The following HSP90AB1 variants were observed in gnomAD, a reference collection of about 807,000 sequenced individuals.
HSP90AB1 encodes heat shock protein 90 alpha family class B member 1.
A neutral mutation model predicts 67.8 loss-of-function variants in HSP90AB1; 17 were observed. That is an observed-to-expected ratio of 0.25 (90% confidence interval 0.17 to 0.38). HSP90AB1 has a LOEUF of 0.38. HSP90AB1 is among the 10% of genes least tolerant of loss of function. The pLI is 1.00. For synonymous variants in HSP90AB1, 390 were observed against 312.9 expected (o/e 1.25, Z -2.60); for missense variants, 690 against 899.9 (o/e 0.77, Z 2.98).
chr6:44,246,907 A>T (rs1779959038), upstream of HSP90AB1, among the ~76,000 whole-genome samples: 1 of 152,160 alleles, frequency 6.6e-6, no homozygotes, highest in Non-Finnish European at 1.5e-5. Context: ...CTGTGATCAC[A>T]AGCAAATGTG....
upstream of HSP90AB1, among the ~76,000 whole-genome samples, chr6:44,246,581 T>G (rs1779930840): frequency 6.6e-6 from 1 of 152,206 alleles, no homozygotes; most frequent in Non-Finnish European, 1.5e-5. Flanking sequence ...CCGCCCTTCC[T>G]CTACTCCTGC....
intron 10 of HSP90AB1, 32 bp from the exon 11 acceptor site, chr6:44,253,002 CAAAGTGGTAAT>C: frequency 6.6e-7 from 1 of 1,522,310 alleles, no homozygotes. Context: ...TTTTCTCTTT[CAAAGTGGTAAT>C]GTCAATCTAA....
chr6:44,253,618 A>G lies in HSP90AB1; in HGVS notation c.*20A>G. On this transcript the variant is annotated 3_prime_UTR_variant, in exon 12 of 12. Coordinates refer to ENST00000371646, the MANE Select transcript of HSP90AB1 (RefSeq NM_007355.4). Reference sequence around the variant, plus strand: ...GATTAGGTTAGGAGTTCATAGTTGGAAAACTTGTGCCCTTGTATAGTGTCC... The same window carrying G: ...GATTAGGTTAGGAGTTCATAGTTGGGAAACTTGTGCCCTTGTATAGTGTCC... The G allele has an allele frequency of 1.9e-6, 3 of 1,594,570 alleles. No individual in the cohort carries two copies. Among genetic ancestry groups the G allele is most frequent in the Non-Finnish European group, 2.6e-6 (3 of 1,162,322 alleles).
At position 44,250,443 on chromosome 6, in the gene HSP90AB1, GAAA is replaced by G; in HGVS notation, c.803_805del (p.Lys268del). 6.2e-7 allele frequency: 1 copy of G among 1,613,958 alleles called. No individual in the cohort carries two copies. The highest frequency in any genetic ancestry group is 8.5e-7 in the Non-Finnish European group (1 of 1,179,886). ...ATGACAGCGGTAAGGATAAGAAGAA[GAAA>G]ACTAAGAAGATCAAAGAGAAATACA... On this transcript the variant is annotated inframe_deletion, in exon 6 of 12. Coordinates refer to ENST00000371646, the MANE Select transcript of HSP90AB1 (RefSeq NM_007355.4).
intron 7 of HSP90AB1, 31 bp downstream of exon 7, chr6:44,251,244 G>A (rs367960458): frequency 1.9e-6 from 3 of 1,612,018 alleles, no homozygotes; most frequent in Non-Finnish European, 2.5e-6. Flanking sequence ...ATTTAGTTGG[G>A]TGAAGTCTTG....
chr6:44,248,318 T>C (rs1244411066), intron 1 of HSP90AB1, among the ~76,000 whole-genome samples: 3 of 152,080 alleles, frequency 2.0e-5, no homozygotes, highest in Non-Finnish European at 2.9e-5. Context: ...GGACCAACAT[T>C]ATGATTTTTC....
chr6:44,249,596 T>C lies in HSP90AB1; in HGVS notation c.354+13T>C. ...GGAGGCTCTTCAGGTATTGCAGTTC[T>C]GTAGGCATTCATACTTATCTGTGTT... On this transcript the variant is annotated intron_variant, in intron 3 of 11. Coordinates refer to ENST00000371646, the MANE Select transcript of HSP90AB1 (RefSeq NM_007355.4). The C allele has an allele frequency of 1.2e-6, 2 of 1,613,238 alleles. No homozygotes were observed. Among genetic ancestry groups the C allele is most frequent in the Non-Finnish European group, 1.7e-6 (2 of 1,179,214 alleles).
chr6:44,252,798 A>AT (rs35658356), intron 10 of HSP90AB1, among the ~76,000 whole-genome samples: 14,579 of 144,386 alleles, frequency 0.1, 802 homozygotes, highest in African/African-American at 0.16. Context: ...TGCCTGGCCG[A>AT]TTTTTTTTTT....
Position 44,252,354 on chromosome 6 carries a change from G to A in HSP90AB1, c.1731+87G>A, listed in dbSNP as rs558541926. On this transcript the variant is annotated intron_variant, in intron 10 of 11. Transcript: ENST00000371646. ...CATGTTTCTATACAATTAGTGGTTT[G>A]AGGCAGCCTATTTACTGTTTCATGC... 1.4e-4 allele frequency: 172 copies of A among 1,242,678 alleles called. 3 individuals are homozygous for A. The South Asian group carries it at 2.1e-3, about 15-fold the overall frequency. 77.0% of individuals were successfully genotyped at this position (1,242,678 alleles called of 1,614,324 possible).
intron 1 of HSP90AB1, 96 bp from the exon 2 acceptor site, chr6:44,248,534 C>T (rs34316285): frequency 1.4e-4 from 159 of 1,146,348 alleles, no homozygotes; most frequent in Non-Finnish European, 1.9e-4. Flanking sequence ...CCAGTCTGAA[C>T]TCACTGTCTA....
rs1582984475 is a variant in HSP90AB1 at position 44,250,431 on chromosome 6, G to A, written c.789G>A (p.Lys263=). The stretch of plus-strand genomic sequence containing the variant: ...CAGATGAGGAGGATGACAGCGGTAA[G>A]GATAAGAAGAAGAAAACTAAGAAGA... ...VGSDEEDDSG[K]DKKKKTKKIK... is the part of the protein sequence containing the mutation. Residue 263 remains lysine, a synonymous_variant, in exon 6 of 12, where the codon AAG becomes AAA. Coordinates refer to ENST00000371646, the MANE Select transcript of HSP90AB1 (RefSeq NM_007355.4). The A allele has an allele frequency of 1.2e-6, 2 of 1,613,884 alleles. No individual in the cohort carries two copies. The highest frequency in any genetic ancestry group is 1.7e-6 in the Non-Finnish European group (2 of 1,179,832).
rs1388100400 is a variant in HSP90AB1, at chr6:44,252,304, T to C, written c.1731+37T>C. ...TGGGGCTAGGATATATTTTGTAACATCTTCGAGGTGGGCTCCCTCACAAGC... is the reference window on the plus strand; with the variant it reads ...TGGGGCTAGGATATATTTTGTAACACCTTCGAGGTGGGCTCCCTCACAAGC... On this transcript the variant is annotated intron_variant, in intron 10 of 11. Coordinates refer to ENST00000371646, the MANE Select transcript of HSP90AB1 (RefSeq NM_007355.4). The C allele has an allele frequency of 1.9e-6, 3 of 1,586,218 alleles. No homozygotes were observed. In the South Asian group the frequency reaches 3.3e-5, roughly 18 times the overall value.
chr6:44,249,308 G>A (rs575861060), intron 2 of HSP90AB1, 69 bp from the exon 3 acceptor site: 1 of 1,322,488 alleles, frequency 7.6e-7, no homozygotes, highest in South Asian at 1.2e-5. Flanking sequence ...CCACTGCACT[G>A]TAGCTTGGGC....
chr6:44,250,330 G>A lies in HSP90AB1; in HGVS notation c.688G>A (p.Ala230Thr). The A allele has an allele frequency of 4.3e-6, 7 of 1,613,974 alleles. No individual in the cohort carries two copies. The highest frequency in any genetic ancestry group is 5.9e-6 in the Non-Finnish European group (7 of 1,179,892). Residue 230 changes from alanine (A) to threonine (T), a missense_variant, in exon 6 of 12, where the codon GCA becomes ACA. Around this residue, in one of 7 missense-constraint regions of HSP90AB1, gnomAD observed 146 missense variants for 143.7 expected, o/e 1.02. Coordinates refer to ENST00000371646, the MANE Select transcript of HSP90AB1 (RefSeq NM_007355.4). ...EREKEISDDE[A>T]EEEKGEKEEE... ...AGAGAAGGAAATTAGTGATGATGAG[G>A]CAGAGGAAGAGAAAGGTGAGAAAGA...
chr6:44,249,236 G>T, intron 2 of HSP90AB1, 141 bp from the exon 3 acceptor site: 1 of 659,096 alleles, frequency 1.5e-6, no homozygotes, highest in Non-Finnish European at 2.7e-6. Flanking sequence ...TACTTGGGAA[G>T]CTGGGGTTGG....
At position 44,253,455 on chromosome 6, in the gene HSP90AB1, T is replaced by C. The variant is rs777740318; in HGVS notation, c.2066-34T>C. 1.9e-5 allele frequency: 30 copies of C among 1,603,602 alleles called. No individual in the cohort carries two copies. In the South Asian group the frequency reaches 2.0e-4, roughly 11 times the overall value. On this transcript the variant is annotated intron_variant, in intron 11 of 11. Transcript: ENST00000371646. ...TCTATGGATTTGACTTAATGCTATTTGGTCAAGTCTCACATGGCTTAATTT... is the reference window on the plus strand; with the variant it reads ...TCTATGGATTTGACTTAATGCTATTCGGTCAAGTCTCACATGGCTTAATTT...
At chr6:44,249,622 C>G (rs370884816) in intron 3 of HSP90AB1, 39 bp downstream of exon 3, 2 of 1,610,816 alleles carry the variant, frequency 1.2e-6, no homozygotes, top group Middle Eastern at 1.7e-4. Flanking sequence ...TATCTGTGTT[C>G]TTTGGTTTTT....
Position 44,253,036 on chromosome 6 carries a change from C to G in HSP90AB1, c.1732-9C>G. 2 of 1,607,202 alleles carry G rather than the reference C, an allele frequency of 1.2e-6. No individual in the cohort carries two copies. The highest frequency in any genetic ancestry group is 1.7e-6 in the Non-Finnish European group (2 of 1,174,304). ...AATGTCAATCTAAGGCTTTTGTGAT[C>G]GTCCACAGGTGACAATCTCCAATAG... On this transcript the variant is annotated splice_polypyrimidine_tract_variant and intron_variant, in intron 10 of 11. Coordinates refer to ENST00000371646, the MANE Select transcript of HSP90AB1 (RefSeq NM_007355.4).
intron 2 of HSP90AB1, among the ~76,000 whole-genome samples, chr6:44,249,159 C>G (rs149113108): frequency 6.6e-6 from 1 of 151,890 alleles, no homozygotes; most frequent in Non-Finnish European, 1.5e-5. Flanking sequence ...TGGGCAACCG[C>G]GAGACCTTGT....
Sources: gnomAD v4.1 joint callset for allele counts (sites outside exome capture counted in the v4.1 genomes callset) on GRCh38, gnomAD v4.1.1 for gene constraint, gnomAD v4.1.1 regional missense constraint, MANE v1.5 for transcripts, NCBI Gene and HGNC (gene_info 2026-07-23, HGNC 2026-07-21) for gene names.